The following GEMIN7 variants were observed in gnomAD, a reference collection of about 807,000 sequenced individuals.
GEMIN7 encodes gem-associated protein 7.
GEMIN7 carries 7 observed loss-of-function variants against 7.8 expected under a neutral mutation model. The observed-to-expected ratio is 0.90, with a 90% CI of 0.51 to 1.69. GEMIN7 has a LOEUF of 1.69. GEMIN7 is among the 40% of genes most tolerant of loss of function. GEMIN7 has a pLI of 0.00. For synonymous variants in GEMIN7, 68 were observed against 72.4 expected, an observed-to-expected ratio of 0.94 and a Z score of 0.31; for missense variants, 159 against 176.2, an observed-to-expected ratio of 0.90 and a Z score of 0.55.
chr19:45,076,262 G>C, upstream of GEMIN7: 1 of 1,498,574 alleles, frequency 6.7e-7, no homozygotes, highest in Non-Finnish European at 8.9e-7. The surrounding 1 kb of genome is among the most constrained non-coding windows in gnomAD (Gnocchi z 4.9). Flanking sequence ...TGCGCGTCTG[G>C]CTCGGGCTTG....
At chr19:45,081,319 A>G (rs1288101892) in intron 2 of GEMIN7, among the ~76,000 whole-genome samples, 1 of 152,010 alleles carries the variant, frequency 6.6e-6, no homozygotes, top group African/African-American at 2.4e-5. Context: ...AGCCATGTGC[A>G]GTGGTGCGCG....
chr19:45,085,898 C>A (rs1365883643), intron 2 of GEMIN7, among the ~76,000 whole-genome samples: 1 of 113,850 alleles, frequency 8.8e-6, no homozygotes, highest in African/African-American at 3.5e-5. Flanking sequence ...GACGGAGTCT[C>A]GCTCTGTCGC....
rs531351227 is a variant in GEMIN7, at chr19:45,084,681, G to A, written c.-9+4652G>A. Among the ~76,000 whole-genome samples, 5 of 152,332 alleles carry A rather than the reference G, an allele frequency of 3.3e-5. No individual in the cohort carries two copies. The South Asian group carries it at 1.0e-3, about 32-fold the overall frequency. ...CAACCTCTGCCTCCCGGGTTCAAGA[G>A]AGTCTCCTGCCTCAGCCTCCTGAGT... On this transcript the variant is annotated intron_variant, in intron 2 of 2. Coordinates refer to ENST00000270257, the MANE Select transcript of GEMIN7 (RefSeq NM_024707.3).
upstream of GEMIN7, among the ~76,000 whole-genome samples, chr19:45,078,140 T>A (rs1034529646): frequency 1.3e-5 from 2 of 150,506 alleles, no homozygotes; most frequent in Non-Finnish European, 3.0e-5. Flanking sequence ...TCACTCTTGT[T>A]GCCCAGGCTG....
chr19:45,081,060 G>T (rs985118769), intron 2 of GEMIN7, among the ~76,000 whole-genome samples: 11 of 152,190 alleles, frequency 7.2e-5, no homozygotes, highest in African/African-American at 2.4e-4. Context: ...CCAGCTTCTC[G>T]GAAGGCTGAG....
At chr19:45,076,398 GGGCGGGCA>G (rs1347557846), upstream of GEMIN7, 1 of 1,244,928 alleles carries the variant, frequency 8.0e-7, no homozygotes, top group East Asian at 3.1e-5. The surrounding 1 kb of genome is among the most constrained non-coding windows in gnomAD (Gnocchi z 4.9). Flanking sequence ...GCGAGCGAGC[GGGCGGGCA>G]GGCAGGCAGG....
At position 45,090,657 on chromosome 19, in the gene GEMIN7, A is replaced by G. The variant is rs773908764; in HGVS notation, c.*147A>G. On this transcript the variant is annotated 3_prime_UTR_variant, in exon 3 of 3. Transcript: ENST00000270257. ...CTTTAAGCAAGTCTGGACTCCTGAG[A>G]CCTCCTGGGTCTAGTCAGTAAAATT... The G allele has an allele frequency of 1.5e-6, 1 of 687,284 alleles. No homozygotes were observed. The highest frequency in any genetic ancestry group is 2.5e-6 in the Non-Finnish European group (1 of 401,568). 42.6% of individuals were successfully genotyped at this position (687,284 alleles called of 1,614,324 possible).
chr19:45,090,298 C>T lies in GEMIN7; in HGVS notation c.184C>T (p.Leu62Phe), dbSNP rs762849310. The T allele has an allele frequency of 2.5e-6, 4 of 1,614,076 alleles. No homozygotes were observed. The highest frequency in any genetic ancestry group is 3.4e-6 in the Non-Finnish European group (4 of 1,180,054). ...CCAGGAGCAGCGGGCACGAGCCGCC[C>T]TTCGGGAGCGTTACCTCCGCAGCCT... ...ESQEQRARAALRERYLRSLLA... is the reference protein window; with the variant it reads ...ESQEQRARAAFRERYLRSLLA... The change falls in exon 3 of 3, where the codon CTT becomes TTT. Residue 62 changes from leucine to phenylalanine, a missense_variant. Leu to Phe is a conservative substitution (Grantham distance 22, BLOSUM62 0). Coordinates refer to ENST00000270257, the MANE Select transcript of GEMIN7 (RefSeq NM_024707.3).
rs199542404 is a variant in GEMIN7 at position 45,080,758 on chromosome 19, G to GTTT, written c.-9+733_-9+735dup. Among the ~76,000 whole-genome samples the GTTT allele has an allele frequency of 7.7e-3, 933 of 121,130 alleles. 51 individuals carry two copies. The highest frequency in any genetic ancestry group is 0.023 in the African/African-American group (684 of 30,216). The allele number at this position is 121,130 out of a possible 152,430, so 79.5% of individuals were successfully genotyped here. On this transcript the variant is annotated intron_variant, in intron 2 of 2. Transcript: ENST00000270257. ...GCATCAATATGACCAAATCTCCCTT[G>GTTT]TTTTTTGTTTTTTTTTTTTTTTTTC...
At chr19:45,075,730 C>G, upstream of GEMIN7, 9 of 1,614,042 alleles carry the variant, frequency 5.6e-6, no homozygotes, top group East Asian at 2.2e-5. Context: ...CTGGCCGCGG[C>G]TGGGGCCTCT....
upstream of GEMIN7, among the ~76,000 whole-genome samples, chr19:45,077,855 C>A (rs1367274213): frequency 6.6e-6 from 1 of 151,488 alleles, no homozygotes; most frequent in East Asian, 1.9e-4. Context: ...GCCGCCTCCT[C>A]TGATCACCCT....
Position 45,090,220 on chromosome 19 carries a change from C to T in GEMIN7, c.106C>T (p.Pro36Ser), listed in dbSNP as rs199556632. 3.3e-5 allele frequency: 54 copies of T among 1,614,226 alleles called. 1 individual carries two copies. The East Asian group carries it at 1.2e-3, about 36-fold the overall frequency. The change falls in exon 3 of 3, where the codon CCA (proline) becomes TCA (serine). Residue 36 changes from proline (P) to serine (S), a missense_variant. Pro to Ser is a moderately conservative substitution (Grantham distance 74, BLOSUM62 -1). Transcript: ENST00000270257. ...TGATGGACGCAGAGCCCCCTTGAGG[C>T]CAGAGGTTCCTGAAATCCAGGAGTG... ...APDGRRAPLR[P>S]EVPEIQECPI...
At chr19:45,085,163 G>A (rs879556979) in intron 2 of GEMIN7, among the ~76,000 whole-genome samples, 4 of 152,150 alleles carry the variant, frequency 2.6e-5, no homozygotes, top group Non-Finnish European at 5.9e-5. Flanking sequence ...CAGGTGATCC[G>A]CCTGCCTCGG....
chr19:45,087,524 C>T (rs550736561), intron 2 of GEMIN7, among the ~76,000 whole-genome samples: 3 of 152,166 alleles, frequency 2.0e-5, no homozygotes, highest in African/African-American at 7.2e-5. Context: ...AAGGTGGCCA[C>T]CTTGAAACTC....
upstream of GEMIN7, chr19:45,076,104 C>A: frequency 6.3e-7 from 1 of 1,581,972 alleles, no homozygotes; most frequent in Non-Finnish European, 8.6e-7. This position sits in a 1 kb window ranked among gnomAD's most constrained non-coding sequence, Gnocchi z 4.9. Context: ...ACGGCGTCCA[C>A]AGGGTCCACG....
intron 2 of GEMIN7, among the ~76,000 whole-genome samples, chr19:45,082,481 C>T (rs1967534165): frequency 2.0e-5 from 3 of 152,220 alleles, no homozygotes; most frequent in Non-Finnish European, 4.4e-5. Flanking sequence ...AGGTCTGTGT[C>T]CCCTATTGGA....
intron 2 of GEMIN7, 77 bp downstream of exon 2, chr19:45,080,106 G>A (rs1317053671): frequency 6.6e-6 from 1 of 152,246 alleles, no homozygotes; most frequent in Non-Finnish European, 1.5e-5. Context: ...TTCAAGTCGT[G>A]GGGGATGGGC....
chr19:45,077,967 C>T (rs139201068), upstream of GEMIN7, among the ~76,000 whole-genome samples: 14 of 152,010 alleles, frequency 9.2e-5, no homozygotes, highest in East Asian at 1.5e-3. Flanking sequence ...TGGCTTGAAG[C>T]GCTCCTCCTG....
chr19:45,090,739 T>C lies in GEMIN7; in HGVS notation c.*229T>C. On this transcript the variant is annotated 3_prime_UTR_variant, in exon 3 of 3. Transcript: ENST00000270257. ...GAAGGAATGCTCTACCTCACAGAAC[T>C]CTGAACCCTACAGAAATATGGGCCT... is the stretch of plus-strand genomic sequence containing the variant. The C allele has an allele frequency of 1.8e-6, 1 of 542,380 alleles. No individual in the cohort carries two copies. Among genetic ancestry groups the C allele is most frequent in the Non-Finnish European group, 3.4e-6 (1 of 294,848 alleles). The allele number at this position is 542,380 out of a possible 1,614,324, so 33.6% of individuals were successfully genotyped here.
Sources: gnomAD v4.1 joint callset for allele counts (sites outside exome capture counted in the v4.1 genomes callset) on GRCh38, gnomAD v4.1.1 for gene constraint, Gnocchi (gnomAD v3.1) non-coding constraint, MANE v1.5 for transcripts, NCBI Gene and HGNC (gene_info 2026-07-23, HGNC 2026-07-21) for gene names.